ADGRB1: variants seen among roughly 807,000 people sequenced by gnomAD.
The protein encoded by ADGRB1 is adhesion G protein-coupled receptor B1, also known as brain-specific angiogenesis inhibitor 1.
ADGRB1 carries 36 observed loss-of-function variants against 175.7 expected under a neutral mutation model. The observed-to-expected ratio is 0.20, with a 90% CI of 0.16 to 0.27. ADGRB1 has a LOEUF of 0.27. ADGRB1 is among the 10% of genes least tolerant of loss of function. The pLI, the probability that ADGRB1 is intolerant of heterozygous loss-of-function variation, is 1.00. For missense variants in ADGRB1, 1,731 were observed against 2,255.3 expected (o/e 0.77, Z 4.71); for synonymous variants, 1,054 against 979.4 (o/e 1.08, Z -1.42).
intron 18 of ADGRB1, among the ~76,000 whole-genome samples, chr8:142,517,888 CAT>C (rs1043824791): frequency 1.4e-4 from 21 of 152,044 alleles, no homozygotes; most frequent in Non-Finnish European, 2.6e-4. Context: ...TCGGGCTTGG[CAT>C]ATGACTGTGG....
At chr8:142,490,877 C>T in intron 17 of ADGRB1, 62 bp downstream of exon 17, 1 of 1,536,182 alleles carries the variant, frequency 6.5e-7, no homozygotes, top group Non-Finnish European at 8.8e-7. Flanking sequence ...GAGGCTGGCC[C>T]AGTAGGGGAG....
intron 20 of ADGRB1, 58 bp downstream of exon 20, chr8:142,520,983 AC>A: frequency 1.3e-6 from 2 of 1,510,836 alleles, no homozygotes; most frequent in Non-Finnish European, 9.1e-7. Flanking sequence ...GTGAGGATGG[AC>A]CCCAGGAGGG....
rs999775532 is a variant in ADGRB1, at chr8:142,537,148, G to C, written c.3666+66G>C. On this transcript the variant is annotated intron_variant, in intron 26 of 30. Transcript: ENST00000517894. The surrounding 1 kb of genome is among the most constrained non-coding windows in gnomAD (Gnocchi z 4.6). ...CTCGTACCCCCGCCAAGTGCCTCCAGGCCCTCACCGTGCCCCAAGCTCCCC... is the reference window on the plus strand; with the variant it reads ...CTCGTACCCCCGCCAAGTGCCTCCACGCCCTCACCGTGCCCCAAGCTCCCC... The C allele has an allele frequency of 4.7e-6, 6 of 1,263,712 alleles. No individual in the cohort carries two copies. In the South Asian group the frequency reaches 1.1e-4, roughly 22 times the overall value. 78.3% of individuals were successfully genotyped at this position (1,263,712 alleles called of 1,614,324 possible). A position where few individuals can be genotyped will look rare whatever the true frequency, so the allele number is the denominator to read the frequency against.
rs1329508285 is a variant in ADGRB1, at chr8:142,542,444, C to A, written c.4210C>A (p.Pro1404Thr). 71 of 1,462,370 alleles carry A rather than the reference C, an allele frequency of 4.9e-5. No individual in the cohort carries two copies. The highest frequency in any genetic ancestry group is 6.7e-5 in the Admixed American group (3 of 44,696). The allele number at this position is 1,462,370 out of a possible 1,614,324, so 90.6% of individuals were successfully genotyped here. A position where few individuals can be genotyped will look rare whatever the true frequency, so the allele number is the denominator to read the frequency against. ...CCGCCAGCCCCCCAGCGGCGGGCCC[C>A]CCGAGGCACCCCCTGCCCAGCCCCC... ...PSRQPPSGGP[P>T]EAPPAQPPPP... Residue 1404 changes from proline to threonine, a missense_variant, in exon 28 of 31, where the codon CCC becomes ACC. By Grantham distance (38) the Pro-to-Thr change is conservative. Around this residue, in one of 8 missense-constraint regions of ADGRB1, gnomAD observed 394 missense variants for 410.2 expected, o/e 0.96. Coordinates refer to ENST00000517894, the MANE Select transcript of ADGRB1 (RefSeq NM_001702.3). The surrounding 1 kb of genome is among the most constrained non-coding windows in gnomAD (Gnocchi z 6.3).
At chr8:142,506,640 G>A (rs1842866431) in intron 17 of ADGRB1, among the ~76,000 whole-genome samples, 3 of 152,240 alleles carry the variant, frequency 2.0e-5, no homozygotes, top group Admixed American at 2.0e-4. Flanking sequence ...GGTGCCCCCT[G>A]CAGCAGGAAG....
rs1842013260 is a variant in ADGRB1 at position 142,492,205 on chromosome 8, A to C, written c.2675+1390A>C. Among the ~76,000 whole-genome samples the C allele has an allele frequency of 6.6e-6, 1 of 150,980 alleles. No homozygotes were observed. Among genetic ancestry groups the C allele is most frequent in the African/African-American group, 2.4e-5 (1 of 40,962 alleles). On this transcript the variant is annotated intron_variant, in intron 17 of 30. Transcript: ENST00000517894. The surrounding 1 kb of genome is among the most constrained non-coding windows in gnomAD (Gnocchi z 4.4). ...TATCCACTGCCACCACCTTCTACCC[A>C]CCACCCATCCACCGCTCCTCCGTCC...
intron 17 of ADGRB1, among the ~76,000 whole-genome samples, chr8:142,497,419 G>A (rs926876337): frequency 5.9e-5 from 9 of 152,268 alleles, no homozygotes; most frequent in African/African-American, 1.4e-4. Context: ...CAGGGTCCCC[G>A]GGTCGCTGTC....
chr8:142,478,101 C>T (rs530747714), intron 6 of ADGRB1, 86 bp from the exon 7 acceptor site: 17 of 1,517,086 alleles, frequency 1.1e-5, no homozygotes, highest in Non-Finnish European at 1.3e-5. Context: ...GGGGTGGTAG[C>T]ACCCAGGGTG....
chr8:142,477,326 G>A (rs767240871), intron 5 of ADGRB1, 48 bp downstream of exon 5: 2 of 1,586,566 alleles, frequency 1.3e-6, no homozygotes, highest in African/African-American at 1.3e-5. Flanking sequence ...GGCAGCGGGG[G>A]GCCAGGGCAG....
At chr8:142,519,899 G>A (rs1017787320) in intron 19 of ADGRB1, among the ~76,000 whole-genome samples, 59 of 151,646 alleles carry the variant, frequency 3.9e-4, no homozygotes, top group African/African-American at 1.3e-3. Context: ...TGGTTGTGTT[G>A]GTGTTGGTGG....
intron 25 of ADGRB1, among the ~76,000 whole-genome samples, chr8:142,535,622 C>G (rs909433129): frequency 2.0e-5 from 3 of 152,168 alleles, no homozygotes; most frequent in Non-Finnish European, 4.4e-5. Context: ...TGGCCTGGGA[C>G]ACTCCTGCAG....
At chr8:142,544,196 CCTG>C in intron 30 of ADGRB1, 21 bp from the exon 31 acceptor site, 1 of 1,547,610 alleles carries the variant, frequency 6.5e-7, no homozygotes, top group Non-Finnish European at 8.7e-7. Flanking sequence ...CCCCACCCCT[CCTG>C]CACCACGGGC....
At chr8:142,524,504 C>T (rs923301722) in intron 23 of ADGRB1, among the ~76,000 whole-genome samples, 200 bp downstream of exon 23, 3 of 152,232 alleles carry the variant, frequency 2.0e-5, no homozygotes, top group African/African-American at 7.2e-5. Flanking sequence ...AGGGGCTGGG[C>T]CAGGGTAGTG....
chr8:142,509,243 G>C (rs761305181), intron 17 of ADGRB1, among the ~76,000 whole-genome samples: 1 of 152,172 alleles, frequency 6.6e-6, no homozygotes, highest in East Asian at 1.9e-4. Flanking sequence ...CTCTGAGCCC[G>C]GCCCTGTGCC....
intron 17 of ADGRB1, among the ~76,000 whole-genome samples, chr8:142,501,123 CGAG>C (rs1192005968): frequency 1.3e-5 from 2 of 152,102 alleles, no homozygotes; most frequent in Non-Finnish European, 2.9e-5. Context: ...GTGTTGGAGA[CGAG>C]AATGATGATG....
At chr8:142,531,891 A>T (rs1344177498) in intron 24 of ADGRB1, among the ~76,000 whole-genome samples, 1 of 152,112 alleles carries the variant, frequency 6.6e-6, no homozygotes, top group Non-Finnish European at 1.5e-5. Flanking sequence ...GACGACACAG[A>T]TATCCCTTGG....
chr8:142,451,206 G>A (rs1366452244), intron 1 of ADGRB1, among the ~76,000 whole-genome samples: 1 of 152,170 alleles, frequency 6.6e-6, no homozygotes, highest in Non-Finnish European at 1.5e-5. Context: ...GGGAGGGCTT[G>A]ACGGAGGCTG....
At chr8:142,468,542 G>A (rs1840410446) in intron 2 of ADGRB1, among the ~76,000 whole-genome samples, 1 of 152,232 alleles carries the variant, frequency 6.6e-6, no homozygotes, top group Non-Finnish European at 1.5e-5. Context: ...AGCAGCAAAA[G>A]TGATCTCAGT....
chr8:142,512,370 A>G (rs562625565), intron 18 of ADGRB1, among the ~76,000 whole-genome samples: 2 of 152,290 alleles, frequency 1.3e-5, no homozygotes, highest in South Asian at 4.1e-4. Flanking sequence ...GTGTAGGAGG[A>G]CATAGACATT....
Sources: gnomAD v4.1 joint callset for allele counts (sites outside exome capture counted in the v4.1 genomes callset) on GRCh38, gnomAD v4.1.1 for gene constraint, gnomAD v4.1.1 regional missense constraint, Gnocchi (gnomAD v3.1) non-coding constraint, MANE v1.5 for transcripts, NCBI Gene and HGNC (gene_info 2026-07-23, HGNC 2026-07-21) for gene names.